The following FHIT variants were observed in gnomAD, a reference collection of about 807,000 sequenced individuals.
FHIT encodes fragile histidine triad diadenosine triphosphatase.
In FHIT, 19 loss-of-function variants were observed where a neutral mutation model predicts 17.9. The ratio of observed to expected loss-of-function variants is 1.06; its 90% CI spans 0.74 to 1.56. FHIT has a LOEUF of 1.56. FHIT is among the 40% of genes most tolerant of loss of function. The probability of loss-of-function intolerance (pLI) is 0.00; values close to 1 mark genes in which losing one functional copy is unlikely to be tolerated. For missense variants in FHIT, 248 were observed against 189.2 expected, an observed-to-expected ratio of 1.31 and a Z score of -1.82; for synonymous variants, 81 against 69.7, an observed-to-expected ratio of 1.16 and a Z score of -0.81.
intron 5 of FHIT, among the ~76,000 whole-genome samples, chr3:60,223,719 C>T (rs1704063521): frequency 6.6e-6 from 1 of 152,174 alleles, no homozygotes. Context: ...TTCCTACATA[C>T]AGGTGCTAAT....
intron 5 of FHIT, among the ~76,000 whole-genome samples, chr3:60,114,498 T>TTTTTTTTTTTTTTG (rs1704861930): frequency 7.8e-6 from 1 of 127,596 alleles, no homozygotes; most frequent in African/African-American, 3.0e-5. Context: ...CCTTTTTTTT[T>TTTTTTTTTTTTTTG]TTTTTTTTTT....
chr3:60,201,281 G>A (rs1389291234), intron 5 of FHIT, among the ~76,000 whole-genome samples: 1 of 152,082 alleles, frequency 6.6e-6, no homozygotes, highest in Non-Finnish European at 1.5e-5. Flanking sequence ...GTCTATGGTA[G>A]ATTTCAATCA....
chr3:61,060,425 C>T (rs888124280), intron 2 of FHIT, among the ~76,000 whole-genome samples: 3 of 152,098 alleles, frequency 2.0e-5, no homozygotes, highest in South Asian at 2.1e-4. Context: ...GCTACTATGA[C>T]GACAGTCAAT....
intron 5 of FHIT, among the ~76,000 whole-genome samples, chr3:60,500,771 TA>T (rs71092606): frequency 0.05 from 3,229 of 64,766 alleles, 135 homozygotes; most frequent in East Asian, 0.27. Context: ...AGCATCCATC[TA>T]AAAAAAAAAA....
chr3:60,211,483 C>T (rs969486579), intron 5 of FHIT, among the ~76,000 whole-genome samples: 1 of 152,058 alleles, frequency 6.6e-6, no homozygotes, highest in African/African-American at 2.4e-5. Context: ...AAAAAGCAAT[C>T]TCTATAAATT....
At chr3:60,702,907 T>G (rs1357274268) in intron 4 of FHIT, among the ~76,000 whole-genome samples, 1 of 152,186 alleles carries the variant, frequency 6.6e-6, no homozygotes, top group African/African-American at 2.4e-5. Context: ...ATTTAGAGTA[T>G]TGCTAGAAAT....
chr3:60,995,129 G>A (rs1317302438), intron 3 of FHIT, among the ~76,000 whole-genome samples: 1 of 152,014 alleles, frequency 6.6e-6, no homozygotes, highest in East Asian at 1.9e-4. Context: ...GACCATCCTG[G>A]CTAACACGGT....
chr3:60,131,143 T>C (rs1458366037), intron 5 of FHIT, among the ~76,000 whole-genome samples: 1 of 143,462 alleles, frequency 7.0e-6, no homozygotes, highest in African/African-American at 2.6e-5. Context: ...TCAAGACCCC[T>C]GCATATACAA....
intron 5 of FHIT, among the ~76,000 whole-genome samples, chr3:60,430,438 T>G (rs931204565): frequency 6.6e-6 from 1 of 152,076 alleles, no homozygotes; most frequent in African/African-American, 2.4e-5. Flanking sequence ...GGTGTCTTAC[T>G]TCTGAGCCAA....
At chr3:60,424,738 A>G (rs1702601364) in intron 5 of FHIT, among the ~76,000 whole-genome samples, 1 of 152,308 alleles carries the variant, frequency 6.6e-6, no homozygotes, top group African/African-American at 2.4e-5. Context: ...AGTGCTTTGA[A>G]GAAGAACATA....
At chr3:60,198,050 A>C (rs568052181) in intron 5 of FHIT, among the ~76,000 whole-genome samples, 20 of 152,300 alleles carry the variant, frequency 1.3e-4, no homozygotes. Context: ...GCAGGAATTA[A>C]AAATACATTA....
intron 8 of FHIT, among the ~76,000 whole-genome samples, chr3:59,797,862 G>A (rs547256858): frequency 2.0e-5 from 3 of 152,248 alleles, no homozygotes; most frequent in Non-Finnish European, 2.9e-5. Context: ...TTTATTAACA[G>A]AACTAATCAT....
chr3:60,375,986 T>C (rs977753601), intron 5 of FHIT, among the ~76,000 whole-genome samples: 5 of 152,222 alleles, frequency 3.3e-5, no homozygotes, highest in Admixed American at 6.5e-5. Context: ...TTAATTCAAA[T>C]TTAAATTAAA....
At chr3:60,682,731 T>C (rs1016684574) in intron 4 of FHIT, among the ~76,000 whole-genome samples, 1 of 152,184 alleles carries the variant, frequency 6.6e-6, no homozygotes, top group Non-Finnish European at 1.5e-5. Context: ...CTGCAGCCCA[T>C]GGGTGAAGGA....
At chr3:60,882,877 A>G (rs1705040655) in intron 3 of FHIT, among the ~76,000 whole-genome samples, 1 of 152,138 alleles carries the variant, frequency 6.6e-6, no homozygotes. Flanking sequence ...CAATTAGGCA[A>G]GAGAAAGAAA....
chr3:60,283,966 G>A (rs1415452366), intron 5 of FHIT, among the ~76,000 whole-genome samples: 3 of 151,928 alleles, frequency 2.0e-5, no homozygotes, highest in African/African-American at 4.8e-5. Flanking sequence ...TTAATGGCAG[G>A]GGAATGCCAT....
chr3:61,249,120 G>C (rs892582959), intron 1 of FHIT, among the ~76,000 whole-genome samples: 1 of 152,164 alleles, frequency 6.6e-6, no homozygotes, highest in Non-Finnish European at 1.5e-5. Flanking sequence ...CCTTGAAAGA[G>C]CAAATTAGAG....
Position 60,406,486 on chromosome 3 carries a change from C to T in FHIT, c.103+130374G>A, listed in dbSNP as rs139504327. The stretch of plus-strand genomic sequence containing the variant: ...TTCTGTCCTGCTATATGCAGGAAAG[C>T]GAAAGAGACACACGGCACTTCAGAG... On this transcript the variant is annotated intron_variant, in intron 5 of 9. Transcript: ENST00000492590. 1.7e-4 allele frequency among the ~76,000 whole-genome samples: 26 copies of T among 152,266 alleles called. No homozygotes were observed. The East Asian group carries it at 3.9e-3, about 23-fold the overall frequency.
chr3:60,858,493 G>C (rs1703477363), intron 3 of FHIT, among the ~76,000 whole-genome samples: 1 of 152,106 alleles, frequency 6.6e-6, no homozygotes, highest in Admixed American at 6.6e-5. Context: ...TCTAAAGGAA[G>C]ATTGTGAACT....
Sources: gnomAD v4.1 joint callset for allele counts (sites outside exome capture counted in the v4.1 genomes callset) on GRCh38, gnomAD v4.1.1 for gene constraint, MANE v1.5 for transcripts, NCBI Gene and HGNC (gene_info 2026-07-23, HGNC 2026-07-21) for gene names.